STX18: variants seen among roughly 807,000 people sequenced by gnomAD.
STX18 encodes the protein syntaxin-18.
Under a neutral mutation model 50.1 loss-of-function variants are expected in STX18, and 40 were observed. The ratio of observed to expected loss-of-function variants is 0.80; its 90% CI spans 0.62 to 1.04. The LOEUF (loss-of-function observed/expected upper bound fraction) is 1.04. STX18 is among the 50% of genes least tolerant of loss of function. STX18 has a pLI of 0.00. For missense variants in STX18, 410 were observed against 415.8 expected, an observed-to-expected ratio of 0.99 and a Z score of 0.12; for synonymous variants, 158 against 151.8, an observed-to-expected ratio of 1.04 and a Z score of -0.30.
At chr4:4,481,136 T>C (rs1441711710) in intron 1 of STX18, among the ~76,000 whole-genome samples, 14 of 152,218 alleles carry the variant, frequency 9.2e-5, no homozygotes, top group Admixed American at 6.5e-5. Flanking sequence ...CACGATATAC[T>C]GTACAACAAA....
chr4:4,499,514 A>G (rs1729338009), intron 1 of STX18: 1 of 985,340 alleles, frequency 1.0e-6, no homozygotes, highest in Non-Finnish European at 1.2e-6. Context: ...TACTGCAAAG[A>G]AACAGCAAAA....
intron 5 of STX18, among the ~76,000 whole-genome samples, chr4:4,447,447 C>G (rs1414946241): frequency 6.7e-6 from 1 of 150,004 alleles, no homozygotes; most frequent in Non-Finnish European, 1.5e-5. Context: ...AAAAATTAGC[C>G]GGGCGTGGTA....
chr4:4,420,560 A>G lies in STX18; in HGVS notation c.912+304T>C, dbSNP rs1471989206. 5 of 426,512 alleles carry G rather than the reference A, an allele frequency of 1.2e-5. No individual in the cohort carries two copies. The highest frequency in any genetic ancestry group is 3.5e-5 in the South Asian group (1 of 28,612). 26.4% of individuals were successfully genotyped at this position (426,512 alleles called of 1,614,324 possible). ...GGCTCTGACCCCTCGGTGGGGGCCA[A>G]CGAGCTACCCATGTACATCCCTGGA... On this transcript the variant is annotated intron_variant, in intron 10 of 10. Coordinates refer to ENST00000306200, the MANE Select transcript of STX18 (RefSeq NM_016930.4). This position sits in a 1 kb window ranked among gnomAD's most constrained non-coding sequence, Gnocchi z 4.3.
At chr4:4,538,102 G>GAA (rs201329108) in intron 1 of STX18, among the ~76,000 whole-genome samples, 22,136 of 138,140 alleles carry the variant, frequency 0.16, 1,742 homozygotes, top group Admixed American at 0.19. Context: ...CCTTTTGAGT[G>GAA]AAAAAAAAAA....
chr4:4,500,184 T>A (rs1396955181), intron 1 of STX18, among the ~76,000 whole-genome samples: 1 of 152,144 alleles, frequency 6.6e-6, no homozygotes, highest in Non-Finnish European at 1.5e-5. Context: ...AGGAGGAAAA[T>A]AAAATCAGTC....
intron 1 of STX18, among the ~76,000 whole-genome samples, chr4:4,488,965 C>T (rs977114329): frequency 1.3e-5 from 2 of 152,158 alleles, no homozygotes; most frequent in Non-Finnish European, 2.9e-5. Flanking sequence ...ATCCATTCTG[C>T]TTGTCAGATG....
chr4:4,513,500 T>C, intron 1 of STX18, among the ~76,000 whole-genome samples: 1 of 152,168 alleles, frequency 6.6e-6, no homozygotes, highest in East Asian at 1.9e-4. Context: ...GTGGAAGTCA[T>C]CTAATGGTCA....
At chr4:4,520,762 T>G (rs1206096342) in intron 1 of STX18, among the ~76,000 whole-genome samples, 1 of 152,074 alleles carries the variant, frequency 6.6e-6, no homozygotes, top group African/African-American at 2.4e-5. Flanking sequence ...AAAAGAAGAC[T>G]GTGCAAACAA....
At chr4:4,433,520 T>TA (rs1460791691) in intron 7 of STX18, among the ~76,000 whole-genome samples, 2 of 51,254 alleles carry the variant, frequency 3.9e-5, no homozygotes, top group Non-Finnish European at 3.9e-5. Flanking sequence ...GAATGATCAA[T>TA]AAAAAAAATA....
At chr4:4,433,129 G>C (rs897712603) in intron 7 of STX18, among the ~76,000 whole-genome samples, 1 of 152,182 alleles carries the variant, frequency 6.6e-6, no homozygotes, top group Non-Finnish European at 1.5e-5. Context: ...TTTAGTTTTT[G>C]TGCGTCATTT....
At chr4:4,536,128 T>A (rs1260688528) in intron 1 of STX18, among the ~76,000 whole-genome samples, 1 of 152,252 alleles carries the variant, frequency 6.6e-6, no homozygotes, top group African/African-American at 2.4e-5. Flanking sequence ...TACTGAATGT[T>A]TACTCTTAAT....
intron 9 of STX18, among the ~76,000 whole-genome samples, chr4:4,421,502 G>A (rs1724963697): frequency 6.6e-6 from 1 of 152,050 alleles, no homozygotes; most frequent in South Asian, 2.1e-4. Flanking sequence ...CCATGCTCCC[G>A]CCTCGGCCTC....
At chr4:4,538,453 A>C (rs1731441274) in intron 1 of STX18, among the ~76,000 whole-genome samples, 1 of 152,178 alleles carries the variant, frequency 6.6e-6, no homozygotes, top group Non-Finnish European at 1.5e-5. Context: ...ATTTTCACTC[A>C]TTCCTCACGC....
chr4:4,435,660 G>C (rs779855254), intron 6 of STX18, among the ~76,000 whole-genome samples: 1 of 152,184 alleles, frequency 6.6e-6, no homozygotes, highest in African/African-American at 2.4e-5. Flanking sequence ...ACTGTTCACT[G>C]GTGTCATGGT....
At chr4:4,442,291 GAT>G (rs1370269504) in intron 5 of STX18, among the ~76,000 whole-genome samples, 1 of 151,826 alleles carries the variant, frequency 6.6e-6, no homozygotes, top group Non-Finnish European at 1.5e-5. Context: ...ATGCATCAGA[GAT>G]ATACACATAA....
At chr4:4,491,785 G>T (rs371185741) in intron 1 of STX18, among the ~76,000 whole-genome samples, 1 of 152,012 alleles carries the variant, frequency 6.6e-6, no homozygotes, top group Non-Finnish European at 1.5e-5. Context: ...TGTAATATAC[G>T]TTAAAGGTAA....
At chr4:4,527,865 C>CATATATATATAT (rs1164396031) in intron 1 of STX18, among the ~76,000 whole-genome samples, 6 of 103,504 alleles carry the variant, frequency 5.8e-5, no homozygotes, top group African/African-American at 2.1e-4. Context: ...CACACACACA[C>CATATATATATAT]ACATATATAT....
At position 4,419,080 on chromosome 4, in the gene STX18, T is replaced by A. The variant is rs1478763778; in HGVS notation, c.*954A>T. ...GATACCTGTGCTGCCCAGTGGACTG[T>A]CTGTACACACACGCATTTCACCAGG... On this transcript the variant is annotated 3_prime_UTR_variant, in exon 11 of 11. Coordinates refer to ENST00000306200, the MANE Select transcript of STX18 (RefSeq NM_016930.4). The A allele has an allele frequency of 6.6e-6, 1 of 152,268 alleles. No homozygotes were observed. 9.4% of individuals were successfully genotyped at this position (152,268 alleles called of 1,614,324 possible). A position where few individuals can be genotyped will look rare whatever the true frequency, so the allele number is the denominator to read the frequency against.
At chr4:4,529,957 C>T (rs140667270) in intron 1 of STX18, among the ~76,000 whole-genome samples, 8 of 152,280 alleles carry the variant, frequency 5.3e-5, no homozygotes, top group African/African-American at 1.4e-4. Context: ...AGCTGAGTTA[C>T]AGGAAAATTA....
Sources: allele counts gnomAD v4.1 joint callset (sites outside exome capture counted in the v4.1 genomes callset), GRCh38; gene constraint gnomAD v4.1.1; non-coding constraint Gnocchi (gnomAD v3.1); transcripts MANE v1.5; gene names NCBI Gene and HGNC (gene_info 2026-07-23, HGNC 2026-07-21).